Variants in RANBP2 observed in about 807,000 individuals in gnomAD.
RANBP2 encodes the protein E3 SUMO-protein ligase RanBP2.
RANBP2 carries 57 observed loss-of-function variants against 303.6 expected under a neutral mutation model. That is an observed-to-expected ratio of 0.19 (90% confidence interval 0.15 to 0.23). The LOEUF (loss-of-function observed/expected upper bound fraction) is 0.23, where lower values mean the gene tolerates loss of function less well. RANBP2 is among the 10% of genes least tolerant of loss of function. RANBP2 has a pLI of 1.00. For synonymous variants in RANBP2, 1,167 were observed against 1,301.5 expected (o/e 0.90, Z 2.23); for missense variants, 3,138 against 3,780.8 (o/e 0.83, Z 4.46).
chr2:109,018,985 T>C, the RANBP2 span, among the ~76,000 whole-genome samples: 2 of 152,212 alleles, frequency 1.3e-5, no homozygotes, highest in African/African-American at 2.4e-5. Context: ...AAAGGGAGTA[T>C]AGCCAAAAAT....
the RANBP2 span, among the ~76,000 whole-genome samples, chr2:109,594,120 T>C: frequency 6.3e-3 from 953 of 152,274 alleles, 11 homozygotes; most frequent in African/African-American, 0.022. Flanking sequence ...ACCAAATGGA[T>C]ATTCACTGTT....
At chr2:109,225,170 G>C in the RANBP2 span, among the ~76,000 whole-genome samples, 1 of 152,122 alleles carries the variant, frequency 6.6e-6, no homozygotes, top group Non-Finnish European at 1.5e-5. Flanking sequence ...AGGTTCTATG[G>C]CTTCTGCTAG....
At chr2:109,602,897 G>A in the RANBP2 span, among the ~76,000 whole-genome samples, 2 of 119,124 alleles carry the variant, frequency 1.7e-5, no homozygotes, top group East Asian at 5.0e-4. Context: ...GGCAGACCCT[G>A]TCTCAAAAAA....
At chr2:109,598,802 C>T in the RANBP2 span, among the ~76,000 whole-genome samples, 1 of 152,044 alleles carries the variant, frequency 6.6e-6, no homozygotes, top group Non-Finnish European at 1.5e-5. Flanking sequence ...ACTGCTTGAA[C>T]CAGGGAGGCG....
At chr2:109,233,418 G>A in the RANBP2 span, among the ~76,000 whole-genome samples, 6 of 152,300 alleles carry the variant, frequency 3.9e-5, no homozygotes, top group Non-Finnish European at 8.8e-5. Context: ...TCCTTTCAAT[G>A]TTCAGACACT....
chr2:109,016,000 T>C, the RANBP2 span, among the ~76,000 whole-genome samples: 1 of 152,196 alleles, frequency 6.6e-6, no homozygotes, highest in Non-Finnish European at 1.5e-5. Context: ...ATAGCACACA[T>C]GGGGCATCTT....
At chr2:109,173,729 T>C in the RANBP2 span, among the ~76,000 whole-genome samples, 1 of 152,154 alleles carries the variant, frequency 6.6e-6, no homozygotes. Flanking sequence ...GGAGGGGCAG[T>C]GTCTAGGGGG....
chr2:109,493,111 A>G, the RANBP2 span, among the ~76,000 whole-genome samples: 1 of 151,506 alleles, frequency 6.6e-6, no homozygotes, highest in African/African-American at 2.4e-5. Flanking sequence ...TACACCACAG[A>G]TACATCATAT....
chr2:109,473,071 A>T, the RANBP2 span, among the ~76,000 whole-genome samples: 2 of 152,246 alleles, frequency 1.3e-5, no homozygotes, highest in African/African-American at 4.8e-5. Context: ...AGCCTTTCAG[A>T]TGCGAGTCCC....
In RANBP2 at chr2:108,753,106, A is replaced by G. The variant is rs1379852400; in HGVS notation, c.1864A>G (p.Ile622Val). The G allele has an allele frequency of 6.2e-7, 1 of 1,610,492 alleles. No individual in the cohort carries two copies. The highest frequency in any genetic ancestry group is 2.2e-5 in the East Asian group (1 of 44,784). Residue 622 changes from isoleucine (I) to valine (V), a missense_variant, in exon 13 of 29, where the codon ATT (isoleucine) becomes GTT (valine). Transcript: ENST00000283195. ...GAAGATAATAAAAAAGAAGAACAGT[A>G]TTCCTGAACCTATTGATCCTCTGTT... Reference protein sequence around the residue: ...LLKIIKKKNSIPEPIDPLFKH... With the variant: ...LLKIIKKKNSVPEPIDPLFKH...
downstream of RANBP2, among the ~76,000 whole-genome samples, chr2:108,790,070 C>T (rs1679648698): frequency 6.6e-6 from 1 of 152,048 alleles, no homozygotes; most frequent in African/African-American, 2.4e-5. Flanking sequence ...TTTTCTCTTT[C>T]TCTACTTAAA....
chr2:109,181,482 A>AAC, the RANBP2 span, among the ~76,000 whole-genome samples: 2,366 of 151,748 alleles, frequency 0.016, 71 homozygotes, highest in African/African-American at 0.054. Context: ...CCACTGGTGT[A>AAC]ACACACACAC....
the RANBP2 span, among the ~76,000 whole-genome samples, chr2:109,447,834 C>T: frequency 6.6e-6 from 1 of 152,194 alleles, no homozygotes; most frequent in East Asian, 1.9e-4. Flanking sequence ...AACTTGCAAT[C>T]CCTAACATCT....
chr2:109,114,788 C>T, the RANBP2 span, among the ~76,000 whole-genome samples: 1 of 152,134 alleles, frequency 6.6e-6, no homozygotes, highest in Non-Finnish European at 1.5e-5. Context: ...AAATTTCCCT[C>T]TACACACTGC....
At chr2:109,729,952 G>A in the RANBP2 span, among the ~76,000 whole-genome samples, 14 of 152,302 alleles carry the variant, frequency 9.2e-5, no homozygotes, top group African/African-American at 3.1e-4. Context: ...ATGTGAAGGA[G>A]GAACTGTCAA....
At chr2:109,667,956 G>T in the RANBP2 span, 1 of 183,082 alleles carries the variant, frequency 5.5e-6, no homozygotes, top group South Asian at 1.6e-4. Context: ...CAGAGGGAAA[G>T]AAGAAGCCAG....
the RANBP2 span, among the ~76,000 whole-genome samples, chr2:109,234,022 A>G: frequency 6.6e-6 from 1 of 152,190 alleles, no homozygotes; most frequent in African/African-American, 2.4e-5. Context: ...ATTGACATGA[A>G]GGTTTTTGTG....
chr2:109,577,047 G>T, the RANBP2 span, among the ~76,000 whole-genome samples: 2 of 152,096 alleles, frequency 1.3e-5, no homozygotes, highest in South Asian at 2.1e-4. Context: ...AGCAAAACTG[G>T]ATAACAATAA....
At chr2:109,466,072 CTTTTTTTTTTT>C in the RANBP2 span, among the ~76,000 whole-genome samples, 17 of 82,334 alleles carry the variant, frequency 2.1e-4, no homozygotes, top group African/African-American at 4.8e-4. Flanking sequence ...ACCTGTACAT[CTTTTTTTTTTT>C]TTTTTTTTTT....
Sources: allele counts gnomAD v4.1 joint callset (sites outside exome capture counted in the v4.1 genomes callset), GRCh38; gene constraint gnomAD v4.1.1; transcripts MANE v1.5; gene names NCBI Gene and HGNC (gene_info 2026-07-23, HGNC 2026-07-21).